IGHMBP2: variants seen among roughly 807,000 people sequenced by gnomAD.
IGHMBP2 encodes the protein immunoglobulin mu DNA binding protein 2, also known as DNA-binding protein SMUBP-2.
Under a neutral mutation model 96.0 loss-of-function variants are expected in IGHMBP2, and 81 were observed. That is an observed-to-expected ratio of 0.84 (90% CI 0.71 to 1.01). IGHMBP2 has a LOEUF of 1.01. Ranked by LOEUF, IGHMBP2 falls within the 50% of genes least tolerant of loss-of-function variation. IGHMBP2 has a pLI of 0.00. For synonymous variants in IGHMBP2, 557 were observed against 548.9 expected (o/e 1.01, Z -0.21); for missense variants, 1,227 against 1,306.3 (o/e 0.94, Z 0.94).
At chr11:68,905,316 A>G (rs1243954376) in intron 1 of IGHMBP2, among the ~76,000 whole-genome samples, 2 of 152,192 alleles carry the variant, frequency 1.3e-5, no homozygotes, top group Non-Finnish European at 2.9e-5. Context: ...TTAGAATCCC[A>G]GCTGTTTCAT....
Position 68,935,299 on chromosome 11 carries a change from G to C in IGHMBP2, c.1633G>C (p.Val545Leu). The change falls in exon 12 of 15, where the codon GTG (valine) becomes CTG (leucine). Residue 545 changes from valine (V) to leucine (L), a missense_variant and splice_region_variant. Around this residue, in one of 3 missense-constraint regions of IGHMBP2, gnomAD observed 703 missense variants for 770.3 expected, o/e 0.91. Transcript: ENST00000255078. The part of the protein sequence containing the change: ...IAVVSPYNLQ[V>L]DLLRQSLVHR... ...AACCACAGCCCGGCTGGTGTTTCAG[G>C]TGGACCTGCTCAGACAGAGCCTTGT... 6 of 1,613,992 alleles carry C rather than the reference G, an allele frequency of 3.7e-6. No homozygotes were observed. Among genetic ancestry groups the C allele is most frequent in the African/African-American group, 1.3e-5 (1 of 75,068 alleles).
Position 68,914,835 on chromosome 11 carries a change from G to T in IGHMBP2, c.724G>T (p.Ala242Ser), listed in dbSNP as rs746259825. 2 of 1,614,190 alleles carry T rather than the reference G, an allele frequency of 1.2e-6. No individual in the cohort carries two copies. The highest frequency in any genetic ancestry group is 2.2e-5 in the South Asian group (2 of 91,080). Residue 242 changes from alanine to serine, a missense_variant, in exon 6 of 15, where the codon GCC becomes TCC. Transcript: ENST00000255078. ...VKQGLKVLCC[A>S]PSNIAVDNLV... ...TTGCGGTTCCCAGGTTCTGTGCTGCGCCCCCTCCAACATCGCCGTGGACAA... is the reference window on the plus strand; with the variant it reads ...TTGCGGTTCCCAGGTTCTGTGCTGCTCCCCCTCCAACATCGCCGTGGACAA...
At chr11:68,924,196 C>A (rs1442440689) in intron 7 of IGHMBP2, among the ~76,000 whole-genome samples, 3 of 152,100 alleles carry the variant, frequency 2.0e-5, no homozygotes, top group Non-Finnish European at 4.4e-5. Flanking sequence ...CCTGCTATTC[C>A]ATCTTGGGCA....
intron 11 of IGHMBP2, 62 bp from the exon 12 acceptor site, chr11:68,935,237 G>T: frequency 6.2e-7 from 1 of 1,605,774 alleles, no homozygotes. Flanking sequence ...TGAGCTGAAG[G>T]GCAGGGTCTT....
rs764614888 is a variant in IGHMBP2, at chr11:68,939,756, C to T, written c.*25C>T. The T allele has an allele frequency of 2.1e-5, 34 of 1,584,862 alleles. No individual in the cohort carries two copies. Among genetic ancestry groups the T allele is most frequent in the East Asian group, 1.4e-4 (6 of 43,974 alleles). On this transcript the variant is annotated 3_prime_UTR_variant, in exon 15 of 15. Transcript: ENST00000255078. ...ACCGGCCGCATCCTTGCACGCCCCGCGGAGCTCTCTCCATGGTAGCCCAGG... is the reference window on the plus strand; with the variant it reads ...ACCGGCCGCATCCTTGCACGCCCCGTGGAGCTCTCTCCATGGTAGCCCAGG...
intron 7 of IGHMBP2, among the ~76,000 whole-genome samples, chr11:68,919,877 A>G (rs1858815637): frequency 6.6e-6 from 1 of 152,172 alleles, no homozygotes; most frequent in Non-Finnish European, 1.5e-5. Flanking sequence ...TAAAATAATC[A>G]TTTCAGCATT....
chr11:68,937,663 G>T (rs985621501), intron 13 of IGHMBP2: 1 of 230,078 alleles, frequency 4.3e-6, no homozygotes, highest in Non-Finnish European at 8.7e-6. Flanking sequence ...CCAGGCATAC[G>T]CTGGCAGAGC....
At chr11:68,930,662 GTCC>G (rs1221968840) in intron 8 of IGHMBP2, 2 of 248,822 alleles carry the variant, frequency 8.0e-6, no homozygotes, top group Non-Finnish European at 1.3e-5. Context: ...CTCAGTTCTT[GTCC>G]TGCATCCAGG....
chr11:68,939,101 A>G (rs1011823754), intron 14 of IGHMBP2, among the ~76,000 whole-genome samples: 1 of 152,100 alleles, frequency 6.6e-6, no homozygotes, highest in African/African-American at 2.4e-5. Flanking sequence ...AGTTGGGAGT[A>G]GAGTGTGAGG....
intron 5 of IGHMBP2, among the ~76,000 whole-genome samples, chr11:68,913,273 G>C (rs1011400986): frequency 2.0e-5 from 3 of 152,138 alleles, no homozygotes; most frequent in African/African-American, 7.2e-5. Context: ...GGAGCAGATT[G>C]GTGGTTTTAA....
chr11:68,922,185 G>C (rs1003090325), intron 7 of IGHMBP2, among the ~76,000 whole-genome samples: 2 of 151,936 alleles, frequency 1.3e-5, no homozygotes, highest in African/African-American at 4.8e-5. Flanking sequence ...GGGTGTGGTG[G>C]TGGGCACCTG....
intron 5 of IGHMBP2, among the ~76,000 whole-genome samples, chr11:68,913,041 T>A (rs1858499203): frequency 6.6e-4 from 11 of 16,694 alleles, no homozygotes; most frequent in South Asian, 6.6e-3. Flanking sequence ...AAACTCCATC[T>A]CCAAAAAAAA....
chr11:68,920,333 G>GCAAT (rs976384432), intron 7 of IGHMBP2, among the ~76,000 whole-genome samples: 1 of 152,200 alleles, frequency 6.6e-6, no homozygotes. Context: ...GGGACCTCCA[G>GCAAT]CAATCCTCCC....
intron 10 of IGHMBP2, chr11:68,934,153 C>T (rs919805621): frequency 1.6e-6 from 1 of 612,296 alleles, no homozygotes; most frequent in Non-Finnish European, 2.9e-6. Context: ...AATGGTGGCC[C>T]AGCTCTGCCT....
intron 14 of IGHMBP2, 94 bp downstream of exon 14, chr11:68,938,448 G>C: frequency 1.7e-6 from 2 of 1,157,672 alleles, no homozygotes; most frequent in Non-Finnish European, 2.5e-6. Flanking sequence ...GTTCCAGTCG[G>C]AACAGTTAGC....
At chr11:68,928,469 CAGAT>C (rs1238272057) in intron 7 of IGHMBP2, among the ~76,000 whole-genome samples, 1 of 152,220 alleles carries the variant, frequency 6.6e-6, no homozygotes, top group African/African-American at 2.4e-5. Flanking sequence ...ATAATTCACT[CAGAT>C]GGAAGGCAGA....
Position 68,906,188 on chromosome 11 carries a change from C to T in IGHMBP2, c.206C>T (p.Pro69Leu). The T allele has an allele frequency of 6.2e-7, 1 of 1,614,134 alleles. No homozygotes were observed. ...GGACGGCTGCTGGTCACCTTTGAGC[C>T]CAGGCGATACGGGTCCGCGGCAGCT... ...LYGRLLVTFE[P>L]RRYGSAAALP... Residue 69 changes from proline (P) to leucine (L), a missense_variant, in exon 2 of 15, where the codon CCC becomes CTC. Transcript: ENST00000255078.
intron 4 of IGHMBP2, among the ~76,000 whole-genome samples, chr11:68,909,910 G>C (rs1858365198): frequency 6.6e-6 from 1 of 152,222 alleles, no homozygotes; most frequent in South Asian, 2.1e-4. Context: ...GGGATTACAG[G>C]CGTGAGCCAC....
chr11:68,937,085 G>C lies in IGHMBP2; in HGVS notation c.2605G>C (p.Ala869Pro). Residue 869 changes from alanine to proline, a missense_variant, in exon 13 of 15, where the codon GCC becomes CCC. Physicochemically the swap from Ala to Pro is conservative, Grantham distance 27 (BLOSUM62 -1). Around this residue, in one of 3 missense-constraint regions of IGHMBP2, gnomAD observed 703 missense variants for 770.3 expected, o/e 0.91. Transcript: ENST00000255078. ...QKLPEKKKKK[A>P]KGHPATDLPT... ...ACTTCCAGAAAAGAAAAAGAAAAAA[G>C]CCAAAGGTAAGTCAACTAATAAGAA... 6.3e-7 allele frequency: 1 copy of C among 1,597,690 alleles called. No homozygotes were observed. The highest frequency in any genetic ancestry group is 8.5e-7 in the Non-Finnish European group (1 of 1,179,824).
Sources: gnomAD v4.1 joint callset for allele counts (sites outside exome capture counted in the v4.1 genomes callset) on GRCh38, gnomAD v4.1.1 for gene constraint, gnomAD v4.1.1 regional missense constraint, MANE v1.5 for transcripts, NCBI Gene and HGNC (gene_info 2026-07-23, HGNC 2026-07-21) for gene names.